The following GRID2 variants were observed in gnomAD, a reference collection of about 807,000 sequenced individuals.
GRID2 encodes glutamate ionotropic receptor delta type subunit 2.
A neutral mutation model predicts 114.8 loss-of-function variants in GRID2; 33 were observed. That is an observed-to-expected ratio of 0.29 (90% CI 0.22 to 0.38). The LOEUF (loss-of-function observed/expected upper bound fraction) is 0.38. GRID2 is among the 10% of genes least tolerant of loss of function. GRID2 has a pLI of 1.00. For synonymous variants in GRID2, 505 were observed against 449.9 expected, an observed-to-expected ratio of 1.12 and a Z score of -1.55; for missense variants, 1,184 against 1,257.7, an observed-to-expected ratio of 0.94 and a Z score of 0.89.
At chr4:93,360,721 TG>T (rs1428941223) in intron 8 of GRID2, among the ~76,000 whole-genome samples, 1 of 151,762 alleles carries the variant, frequency 6.6e-6, no homozygotes, top group Non-Finnish European at 1.5e-5. Flanking sequence ...ATATTCTCTT[TG>T]GGATATCCAA....
chr4:93,074,777 A>T (rs1250679485), intron 2 of GRID2, among the ~76,000 whole-genome samples: 5 of 152,210 alleles, frequency 3.3e-5, no homozygotes, highest in Non-Finnish European at 7.3e-5. Flanking sequence ...AAGATACCAT[A>T]TAAATTATCA....
chr4:92,525,574 G>A (rs1218079482), intron 1 of GRID2, among the ~76,000 whole-genome samples: 1 of 152,070 alleles, frequency 6.6e-6, no homozygotes, highest in Non-Finnish European at 1.5e-5. Context: ...CTTGAATCTA[G>A]AAAAGAAACT....
intron 2 of GRID2, among the ~76,000 whole-genome samples, chr4:92,647,719 A>C (rs1731719961): frequency 6.7e-6 from 1 of 149,750 alleles, no homozygotes; most frequent in Non-Finnish European, 1.5e-5. Context: ...TGACTAAGGA[A>C]AATAAAAAGA....
intron 2 of GRID2, among the ~76,000 whole-genome samples, chr4:92,938,215 T>C (rs1750813358): frequency 6.8e-6 from 1 of 146,632 alleles, no homozygotes; most frequent in Non-Finnish European, 1.5e-5. Context: ...TGATATAGGA[T>C]CCTTTTAATA....
chr4:93,263,428 A>AT (rs1023161990), intron 8 of GRID2, among the ~76,000 whole-genome samples: 28 of 151,248 alleles, frequency 1.9e-4, no homozygotes, highest in East Asian at 1.6e-3. Context: ...TCCATCTGAG[A>AT]TTTTTTTTTG....
intron 8 of GRID2, among the ~76,000 whole-genome samples, chr4:93,282,563 A>G (rs964094267): frequency 7.2e-5 from 11 of 152,068 alleles, no homozygotes; most frequent in African/African-American, 2.7e-4. Context: ...TGATAATGGC[A>G]TTAATCAATG....
intron 2 of GRID2, among the ~76,000 whole-genome samples, chr4:92,637,399 AT>A (rs1167422107): frequency 6.6e-6 from 1 of 152,012 alleles, no homozygotes; most frequent in Non-Finnish European, 1.5e-5. Flanking sequence ...TAGAATGTAT[AT>A]TTTTGGCATA....
chr4:93,181,922 A>T (rs1320744769), intron 4 of GRID2, among the ~76,000 whole-genome samples: 2 of 152,190 alleles, frequency 1.3e-5, no homozygotes, highest in Non-Finnish European at 2.9e-5. Context: ...TTGTAAGAAT[A>T]GAATTATTTC....
At chr4:92,754,509 C>G (rs1278089781) in intron 2 of GRID2, among the ~76,000 whole-genome samples, 3 of 152,114 alleles carry the variant, frequency 2.0e-5, no homozygotes, top group Non-Finnish European at 2.9e-5. Context: ...TTAATTTCCT[C>G]ATTTGTGAAA....
intron 4 of GRID2, among the ~76,000 whole-genome samples, chr4:93,182,491 A>G (rs1739989728): frequency 1.3e-5 from 2 of 152,224 alleles, no homozygotes; most frequent in Admixed American, 1.3e-4. Context: ...AAAAATAGTC[A>G]TATAGGCAAC....
At chr4:93,216,201 T>TCTA in intron 5 of GRID2, among the ~76,000 whole-genome samples, 1 of 151,546 alleles carries the variant, frequency 6.6e-6, no homozygotes, top group East Asian at 1.9e-4. Context: ...TAGAAAAACT[T>TCTA]ATATATCCTC....
chr4:93,124,224 G>A (rs1734070776), intron 4 of GRID2, among the ~76,000 whole-genome samples: 1 of 152,050 alleles, frequency 6.6e-6, no homozygotes, highest in South Asian at 2.1e-4. Context: ...ACATATGAAG[G>A]TATTCTCTGT....
intron 2 of GRID2, among the ~76,000 whole-genome samples, chr4:92,772,527 AATTT>A (rs1418965587): frequency 6.6e-6 from 1 of 152,118 alleles, no homozygotes; most frequent in Non-Finnish European, 1.5e-5. Context: ...TTAATATTCT[AATTT>A]ATTCATAACG....
intron 2 of GRID2, among the ~76,000 whole-genome samples, chr4:92,924,232 C>T (rs941328371): frequency 2.0e-5 from 3 of 152,034 alleles, no homozygotes; most frequent in Non-Finnish European, 4.4e-5. Context: ...GGGAACATCA[C>T]ACTCTGGGGA....
At chr4:92,927,599 GCC>G (rs1470401508) in intron 2 of GRID2, among the ~76,000 whole-genome samples, 2 of 151,790 alleles carry the variant, frequency 1.3e-5, no homozygotes, top group Admixed American at 1.3e-4. Flanking sequence ...CAGTAACCAT[GCC>G]TGACCTTTGC....
At chr4:93,134,169 CT>C (rs1735041287) in intron 4 of GRID2, among the ~76,000 whole-genome samples, 1 of 152,052 alleles carries the variant, frequency 6.6e-6, no homozygotes, top group South Asian at 2.1e-4. Flanking sequence ...TCTAATGCCC[CT>C]GTTCTGATTT....
At chr4:93,502,740 C>CAT (rs904492309) in intron 12 of GRID2, among the ~76,000 whole-genome samples, 46 of 148,902 alleles carry the variant, frequency 3.1e-4, no homozygotes, top group Non-Finnish European at 6.0e-4. Context: ...ACACCACACA[C>CAT]ACACACACAC....
intron 8 of GRID2, among the ~76,000 whole-genome samples, chr4:93,371,937 G>A (rs903751006): frequency 6.6e-6 from 1 of 151,554 alleles, no homozygotes; most frequent in African/African-American, 2.4e-5. Context: ...TAGTAGAGAC[G>A]GGGTTTTACC....
intron 14 of GRID2, among the ~76,000 whole-genome samples, chr4:93,743,864 T>C (rs567293558): frequency 2.0e-5 from 3 of 152,318 alleles, no homozygotes; most frequent in Non-Finnish European, 4.4e-5. Context: ...TCTATCACTT[T>C]CATAGCTAGA....
Sources: gnomAD v4.1 joint callset for allele counts (sites outside exome capture counted in the v4.1 genomes callset) on GRCh38, gnomAD v4.1.1 for gene constraint, MANE v1.5 for transcripts, NCBI Gene and HGNC (gene_info 2026-07-23, HGNC 2026-07-21) for gene names.